The following ABCA1 variants were observed in gnomAD, a reference collection of about 807,000 sequenced individuals.
ABCA1 encodes the protein ATP binding cassette subfamily A member 1.
A neutral mutation model predicts 262.5 loss-of-function variants in ABCA1; 133 were observed. The observed-to-expected ratio is 0.51, with a 90% confidence interval of 0.44 to 0.59. The LOEUF is 0.59. Among genes scored for constraint, ABCA1 ranks in the 20% least tolerant of loss-of-function variants. The pLI is 0.00. For synonymous variants in ABCA1, 1,022 were observed against 1,043.5 expected (o/e 0.98, Z 0.40); for missense variants, 2,452 against 2,777.5 (o/e 0.88, Z 2.63).
At chr9:104,883,220 A>G in intron 4 of ABCA1, 63 bp from the exon 5 acceptor site, 2 of 1,409,268 alleles carry the variant, frequency 1.4e-6, no homozygotes, top group Non-Finnish European at 2.0e-6. Flanking sequence ...GCTGCTTTAC[A>G]GAAGTGACTG....
chr9:104,820,763 C>CG (rs4149347), intron 20 of ABCA1, among the ~76,000 whole-genome samples: 20,602 of 151,876 alleles, frequency 0.14, 2,202 homozygotes, highest in East Asian at 0.43. Context: ...AGGAGGGTGG[C>CG]GGGGGAGAGG....
Position 104,791,947 on chromosome 9 carries a change from G to A in ABCA1, c.5809C>T (p.Pro1937Ser), listed in dbSNP as rs775162118. Residue 1937 changes from proline to serine, a missense_variant, in exon 43 of 50, where the codon CCT becomes TCT. Pro to Ser is a moderately conservative substitution (Grantham distance 74, BLOSUM62 -1). This residue lies in a region of ABCA1 where 752 missense variants were observed against 944.5 expected (regional missense o/e 0.80). Transcript: ENST00000374736. ...CAAAGTGTCTTTACCTCACCAGGAGGAATGCCCACGCAAATCCTGTCAACA... is the reference window on the plus strand; with the variant it reads ...CAAAGTGTCTTTACCTCACCAGGAGAAATGCCCACGCAAATCCTGTCAACA... ...PAVDRICVGI[P>S]PGECFGLLGV... 6.2e-7 allele frequency: 1 copy of A among 1,613,576 alleles called. No individual in the cohort carries two copies. Among genetic ancestry groups the A allele is most frequent in the Non-Finnish European group, 8.5e-7 (1 of 1,179,740 alleles).
chr9:104,924,393 T>A (rs140453328), intron 1 of ABCA1, among the ~76,000 whole-genome samples: 1,968 of 152,152 alleles, frequency 0.013, 25 homozygotes, highest in Non-Finnish European at 0.018. Flanking sequence ...GCAGATCACT[T>A]GAGGTCAGGA....
rs767144306 is a variant in ABCA1, at chr9:104,824,623, G to C, written c.2543-45C>G. The C allele has an allele frequency of 3.1e-6, 5 of 1,605,436 alleles. No individual in the cohort carries two copies. The African/African-American group carries it at 5.4e-5, about 17-fold the overall frequency. On this transcript the variant is annotated intron_variant, in intron 17 of 49. Coordinates refer to ENST00000374736, the MANE Select transcript of ABCA1 (RefSeq NM_005502.4). ...ATGAGCCAAGCTCAGCATCATCCCA[G>C]TATTCTGAGGGTTTCCCAGCCAGGT... is the stretch of plus-strand genomic sequence containing the variant.
intron 2 of ABCA1, among the ~76,000 whole-genome samples, chr9:104,901,082 C>A (rs1422716865): frequency 6.6e-6 from 1 of 152,196 alleles, no homozygotes; most frequent in East Asian, 1.9e-4. Context: ...TGGAGTCTGG[C>A]CCAATTTGAA....
chr9:104,873,179 A>G (rs1837783055), intron 5 of ABCA1, among the ~76,000 whole-genome samples: 2 of 152,244 alleles, frequency 1.3e-5, no homozygotes. Flanking sequence ...ATACATACAG[A>G]ACGTGAATTG....
At chr9:104,913,636 GTA>G (rs1351932746) in intron 1 of ABCA1, among the ~76,000 whole-genome samples, 1 of 152,098 alleles carries the variant, frequency 6.6e-6, no homozygotes, top group Non-Finnish European at 1.5e-5. Context: ...GCATTATACG[GTA>G]TCCTGTTGCC....
chr9:104,893,807 G>A (rs1839978249), intron 2 of ABCA1, among the ~76,000 whole-genome samples: 1 of 152,110 alleles, frequency 6.6e-6, no homozygotes, highest in South Asian at 2.1e-4. Context: ...TGACACCACG[G>A]GTGACTCAGG....
chr9:104,880,870 G>T (rs1838581869), intron 5 of ABCA1, among the ~76,000 whole-genome samples: 1 of 152,164 alleles, frequency 6.6e-6, no homozygotes, highest in African/African-American at 2.4e-5. Context: ...CTCAAAGAAG[G>T]CCAGGCATGG....
chr9:104,829,983 T>C (rs938761291), intron 14 of ABCA1, among the ~76,000 whole-genome samples: 10 of 127,342 alleles, frequency 7.9e-5, no homozygotes, highest in African/African-American at 2.8e-4. Context: ...CACACACACA[T>C]CCCACCACCA....
At chr9:104,900,404 G>C (rs979552245) in intron 2 of ABCA1, among the ~76,000 whole-genome samples, 1 of 152,176 alleles carries the variant, frequency 6.6e-6, no homozygotes, top group African/African-American at 2.4e-5. Flanking sequence ...CAGGAGACAG[G>C]AACTGTGCAA....
chr9:104,859,135 C>T (rs1836115991), intron 6 of ABCA1, among the ~76,000 whole-genome samples: 1 of 152,178 alleles, frequency 6.6e-6, no homozygotes, highest in Non-Finnish European at 1.5e-5. Context: ...AGCATTTATG[C>T]TATTTATCTG....
At chr9:104,796,581 G>T (rs575083852) in intron 37 of ABCA1, among the ~76,000 whole-genome samples, 157 bp from the exon 38 acceptor site, 2 of 152,104 alleles carry the variant, frequency 1.3e-5, no homozygotes, top group Non-Finnish European at 2.9e-5. Context: ...CAAAATACCC[G>T]ACAATACATT....
Position 104,834,775 on chromosome 9 carries a change from G to A in ABCA1, c.1312-2004C>T, listed in dbSNP as rs777448094. 1.1e-4 allele frequency among the ~76,000 whole-genome samples: 15 copies of A among 131,884 alleles called. 1 individual carries two copies. Among genetic ancestry groups the A allele is most frequent in the Non-Finnish European group, 1.7e-4 (10 of 60,464 alleles). The allele number at this position is 131,884 out of a possible 152,430, so 86.5% of individuals were successfully genotyped here. On this transcript the variant is annotated intron_variant, in intron 11 of 49. Coordinates refer to ENST00000374736, the MANE Select transcript of ABCA1 (RefSeq NM_005502.4). ...TGTCAGAGGGTTCCAAGACTTGCCC[G>A]AGAGAGGTGCCCTGGGACCTGTGGG...
chr9:104,849,597 A>C (rs1835200402), intron 7 of ABCA1, among the ~76,000 whole-genome samples: 1 of 152,252 alleles, frequency 6.6e-6, no homozygotes, highest in African/African-American at 2.4e-5. Flanking sequence ...TTGGAGTTAC[A>C]CAATCAGGCA....
At chr9:104,884,637 A>G (rs1401178618) in intron 3 of ABCA1, 69 bp from the exon 4 acceptor site, 1 of 1,562,716 alleles carries the variant, frequency 6.4e-7, no homozygotes, top group Non-Finnish European at 8.8e-7. Context: ...TTGAGGCTCC[A>G]TTTATACAAT....
intron 7 of ABCA1, among the ~76,000 whole-genome samples, chr9:104,854,586 C>G (rs1323263743): frequency 6.6e-6 from 1 of 152,132 alleles, no homozygotes; most frequent in Non-Finnish European, 1.5e-5. Context: ...GTGGCCCTCT[C>G]CTCGCTCTGG....
chr9:104,785,299 A>G, intron 49 of ABCA1, 97 bp downstream of exon 49: 1 of 1,511,632 alleles, frequency 6.6e-7, no homozygotes, highest in Non-Finnish European at 9.1e-7. Flanking sequence ...TCAAGCACCA[A>G]TTCAAGATAC....
chr9:104,831,066 T>C lies in ABCA1; in HGVS notation c.1751A>G (p.Glu584Gly). Residue 584 changes from glutamate (E) to glycine (G), a missense_variant, in exon 14 of 50, where the codon GAG becomes GGG. Physicochemically the swap from Glu to Gly is moderately conservative, Grantham distance 98. This residue lies in a region of ABCA1 where 1,032 missense variants were observed against 1,089.7 expected (regional missense o/e 0.95). Coordinates refer to ENST00000374736, the MANE Select transcript of ABCA1 (RefSeq NM_005502.4). ...WDPGPRADPFEDMRYVWGGFA... is the reference protein window; with the variant it reads ...WDPGPRADPFGDMRYVWGGFA... ...GCCCCCCCAGACGTACCGCATGTCC[T>C]CAAAGGGGTCAGCTCGAGGACCAGG... is the stretch of plus-strand genomic sequence containing the variant. 1 of 1,606,702 alleles carries C rather than the reference T, an allele frequency of 6.2e-7. No individual in the cohort carries two copies. The highest frequency in any genetic ancestry group is 8.5e-7 in the Non-Finnish European group (1 of 1,178,692).
Sources: allele counts gnomAD v4.1 joint callset (sites outside exome capture counted in the v4.1 genomes callset), GRCh38; gene constraint gnomAD v4.1.1; regional missense constraint gnomAD v4.1.1; transcripts MANE v1.5; gene names NCBI Gene and HGNC (gene_info 2026-07-23, HGNC 2026-07-21).